Variants in ACTN4 observed in about 807,000 individuals in gnomAD.
The protein encoded by ACTN4 is actinin alpha 4.
Under a neutral mutation model 114.2 loss-of-function variants are expected in ACTN4, and 18 were observed. That is an observed-to-expected ratio of 0.16 (90% CI 0.11 to 0.23). The LOEUF (loss-of-function observed/expected upper bound fraction) is 0.23, where lower values mean the gene tolerates loss of function less well. ACTN4 is among the 10% of genes least tolerant of loss of function. ACTN4 has a pLI of 1.00. For synonymous variants in ACTN4, 515 were observed against 506.3 expected, an observed-to-expected ratio of 1.02 and a Z score of -0.23; for missense variants, 722 against 1,262.9, an observed-to-expected ratio of 0.57 and a Z score of 6.49.
rs1208621268 is a variant in ACTN4, at chr19:38,718,096, C to T, written c.1291+22C>T. The T allele has an allele frequency of 2.5e-6, 4 of 1,592,854 alleles. No individual in the cohort carries two copies. In the Admixed American group the frequency reaches 5.2e-5, roughly 21 times the overall value. ...GACGGTACGGCCCAGCTCTGCCCCA[C>T]TCTGCCCAGCCCCGCTCCCGTGCTC... On this transcript the variant is annotated intron_variant, in intron 11 of 20. Transcript: ENST00000252699.
intron 5 of ACTN4, 136 bp from the exon 6 acceptor site, chr19:38,707,981 C>G: frequency 1.1e-6 from 1 of 895,052 alleles, no homozygotes; most frequent in South Asian, 1.4e-5. Context: ...CTCTGCCACA[C>G]TGTCTCCATG....
rs1300545973 is a variant in ACTN4, at chr19:38,705,908, CTGT to C, written c.485-131_485-129del. On this transcript the variant is annotated intron_variant, in intron 4 of 20. Transcript: ENST00000252699. The stretch of plus-strand genomic sequence containing the variant: ...GGCTGTCCCGCTGCTATCACTGCTG[CTGT>C]TGTTAGGACAGATATCCTCTCCCCT... 2.0e-5 allele frequency: 16 copies of C among 811,234 alleles called. No homozygotes were observed. The African/African-American group carries it at 2.3e-4, about 12-fold the overall frequency. 50.3% of individuals were successfully genotyped at this position (811,234 alleles called of 1,614,324 possible). A position where few individuals can be genotyped will look rare whatever the true frequency, so the allele number is the denominator to read the frequency against.
In ACTN4 at chr19:38,731,024, C is replaced by G; in HGVS notation, c.*1592C>G. 1 of 1,554,814 alleles carries G rather than the reference C, an allele frequency of 6.4e-7. No homozygotes were observed. The highest frequency in any genetic ancestry group is 8.7e-7 in the Non-Finnish European group (1 of 1,149,496). ...CCATCCAGGTGCTGGCTGCAGTGGC[C>G]TGTGCAGAGAGGGGCAGGGTGAGTG... On this transcript the variant is annotated 3_prime_UTR_variant, in exon 21 of 21. Transcript: ENST00000252699.
chr19:38,695,389 T>C (rs571917289), intron 1 of ACTN4, among the ~76,000 whole-genome samples: 1 of 152,204 alleles, frequency 6.6e-6, no homozygotes, highest in South Asian at 2.1e-4. Context: ...TGCCTTTCCC[T>C]CCTCCCACAG....
intron 8 of ACTN4, among the ~76,000 whole-genome samples, chr19:38,712,416 C>T (rs914312352): frequency 2.6e-5 from 4 of 152,124 alleles, no homozygotes; most frequent in Non-Finnish European, 4.4e-5. Context: ...CGCTGTAGTT[C>T]GGTCTCACAG....
rs1168378672 is a variant in ACTN4, at chr19:38,723,601, GC to G, written c.1443-10del. 6.3e-7 allele frequency: 1 copy of G among 1,593,724 alleles called. No homozygotes were observed. Among genetic ancestry groups the G allele is most frequent in the Admixed American group, 1.7e-5 (1 of 58,214 alleles). On this transcript the variant is annotated splice_polypyrimidine_tract_variant and intron_variant, in intron 12 of 20. Transcript: ENST00000252699. The stretch of plus-strand genomic sequence containing the variant: ...CCCTTGCCGAGTCTCATTGCTCTCT[GC>G]CCGGCCCGCAGCGAGCTGGATTACT...
chr19:38,659,123 C>T (rs1324778690), intron 1 of ACTN4, among the ~76,000 whole-genome samples: 4 of 131,116 alleles, frequency 3.1e-5, no homozygotes, highest in African/African-American at 1.1e-4. Context: ...TGTAGTGGTG[C>T]AATCTCGGCT....
Position 38,668,907 on chromosome 19 carries a change from C to T in ACTN4, c.162+21000C>T, listed in dbSNP as rs117479563. On this transcript the variant is annotated intron_variant, in intron 1 of 20. Transcript: ENST00000252699. ...GTTCAGAGCTGCCTCCCTTATAAAT[C>T]GACCTCCAGGAGAGTTGTGTGTTTG... 3.8e-3 allele frequency among the ~76,000 whole-genome samples: 571 copies of T among 152,134 alleles called. 3 individuals are homozygous for T. Among genetic ancestry groups the T allele is most frequent in the Non-Finnish European group, 5.0e-3 (337 of 68,006 alleles).
At chr19:38,664,860 T>A (rs1006559771) in intron 1 of ACTN4, among the ~76,000 whole-genome samples, 9 of 152,192 alleles carry the variant, frequency 5.9e-5, no homozygotes, top group African/African-American at 2.2e-4. Context: ...AGCTCATTAC[T>A]TGTATTTGAG....
intron 19 of ACTN4, chr19:38,728,241 G>T: frequency 6.8e-7 from 1 of 1,476,230 alleles, no homozygotes. Context: ...CTGTCTGCCT[G>T]CTGTGCACAT....
intron 1 of ACTN4, among the ~76,000 whole-genome samples, chr19:38,660,260 G>A (rs1255032243): frequency 6.6e-6 from 1 of 152,110 alleles, no homozygotes; most frequent in Non-Finnish European, 1.5e-5. Flanking sequence ...AGGCTGGTGG[G>A]GGAGACAGCA....
chr19:38,694,342 C>A (rs1195906105), intron 1 of ACTN4, among the ~76,000 whole-genome samples: 1 of 151,934 alleles, frequency 6.6e-6, no homozygotes, highest in Non-Finnish European at 1.5e-5. Flanking sequence ...TCACTGCAAC[C>A]TCTACCTCCC....
intron 1 of ACTN4, among the ~76,000 whole-genome samples, chr19:38,661,224 C>T (rs896386152): frequency 5.9e-5 from 9 of 152,144 alleles, no homozygotes; most frequent in South Asian, 2.1e-4. Flanking sequence ...AGGACTCTGG[C>T]GCTCCTACCC....
chr19:38,672,447 G>C (rs1967160882), intron 1 of ACTN4, among the ~76,000 whole-genome samples: 1 of 151,552 alleles, frequency 6.6e-6, no homozygotes, highest in South Asian at 2.1e-4. Context: ...CTCCATGTTG[G>C]CCAGGCTGGT....
At chr19:38,657,340 A>G (rs994627018) in intron 1 of ACTN4, among the ~76,000 whole-genome samples, 1 of 152,096 alleles carries the variant, frequency 6.6e-6, no homozygotes, top group African/African-American at 2.4e-5. Context: ...ACAGGGTTTC[A>G]CCATGTTGGC....
chr19:38,721,714 A>G lies in ACTN4; in HGVS notation c.1442+26A>G, dbSNP rs974165875. On this transcript the variant is annotated intron_variant, in intron 12 of 20. Transcript: ENST00000252699. ...GTACGTGCGGGCTCAGGACACTATCATCACCTGGCTCTCACCACAGCCTGC... is the reference window on the plus strand; with the variant it reads ...GTACGTGCGGGCTCAGGACACTATCGTCACCTGGCTCTCACCACAGCCTGC... 4.3e-6 allele frequency: 7 copies of G among 1,609,208 alleles called. No individual in the cohort carries two copies. In the East Asian group the frequency reaches 1.6e-4, roughly 36 times the overall value.
intron 1 of ACTN4, among the ~76,000 whole-genome samples, chr19:38,653,264 A>G (rs925183672): frequency 6.0e-4 from 91 of 152,290 alleles, no homozygotes; most frequent in Admixed American, 5.4e-3. Flanking sequence ...AGTGCTAGTT[A>G]GCAAACAGAA....
Position 38,717,196 on chromosome 19 carries a change from G to A in ACTN4, c.1023G>A (p.Val341=). The change falls in exon 10 of 21, where the codon GTG becomes GTA. Residue 341 remains valine (V), a synonymous_variant. Coordinates refer to ENST00000252699, the MANE Select transcript of ACTN4 (RefSeq NM_004924.6). The surrounding 1 kb of genome is among the most constrained non-coding windows in gnomAD (Gnocchi z 4.0). ...KLEDFRDYRR[V]HKPPKVQEKC... ...AGGACTTCCGCGACTACCGGCGTGTGCACAAGCCGCCCAAGGTGCAGGAGA... is the reference window on the plus strand; with the variant it reads ...AGGACTTCCGCGACTACCGGCGTGTACACAAGCCGCCCAAGGTGCAGGAGA... 2 of 1,614,234 alleles carry A rather than the reference G, an allele frequency of 1.2e-6. No individual in the cohort carries two copies. Among genetic ancestry groups the A allele is most frequent in the African/African-American group, 1.3e-5 (1 of 75,050 alleles).
At chr19:38,706,872 G>A (rs1293611190) in intron 5 of ACTN4, among the ~76,000 whole-genome samples, 2 of 152,240 alleles carry the variant, frequency 1.3e-5, no homozygotes, top group East Asian at 3.9e-4. Flanking sequence ...CGGGAGATGA[G>A]ACATGTCCAC....
Sources: gnomAD v4.1 joint callset for allele counts (sites outside exome capture counted in the v4.1 genomes callset) on GRCh38, gnomAD v4.1.1 for gene constraint, Gnocchi (gnomAD v3.1) non-coding constraint, MANE v1.5 for transcripts, NCBI Gene and HGNC (gene_info 2026-07-23, HGNC 2026-07-21) for gene names.